MTREX: variants seen among roughly 807,000 people sequenced by gnomAD.
The protein encoded by MTREX is Mtr4 exosome RNA helicase.
A neutral mutation model predicts 135.4 loss-of-function variants in MTREX; 76 were observed. The ratio of observed to expected loss-of-function variants is 0.56; its 90% CI spans 0.47 to 0.68. MTREX has a LOEUF of 0.68. Ranked by LOEUF, MTREX falls within the 30% of genes least tolerant of loss-of-function variation. The pLI, the probability that MTREX is intolerant of heterozygous loss-of-function variation, is 0.00. For synonymous variants in MTREX, 404 were observed against 401.6 expected, an observed-to-expected ratio of 1.01 and a Z score of -0.07; for missense variants, 920 against 1,262.1, an observed-to-expected ratio of 0.73 and a Z score of 4.11.
chr5:55,326,901 A>G (rs976307392), intron 3 of MTREX, among the ~76,000 whole-genome samples: 3 of 151,572 alleles, frequency 2.0e-5, no homozygotes, highest in East Asian at 1.9e-4. Context: ...CCCTGTGTCC[A>G]TGTGTTCTCA....
At chr5:55,364,407 A>C (rs1750063168) in intron 15 of MTREX, among the ~76,000 whole-genome samples, 1 of 152,200 alleles carries the variant, frequency 6.6e-6, no homozygotes, top group South Asian at 2.1e-4. Context: ...TTCTTAACAC[A>C]CTTCTGCTAT....
At chr5:55,392,342 G>A (rs1279366277) in intron 19 of MTREX, among the ~76,000 whole-genome samples, 4 of 152,074 alleles carry the variant, frequency 2.6e-5, no homozygotes, top group Non-Finnish European at 4.4e-5. Context: ...TCAGGAGTTC[G>A]AGACCAGCCT....
rs370632345 is a variant in MTREX at position 55,344,511 on chromosome 5, T to C, written c.907-11T>C. The C allele has an allele frequency of 1.3e-6, 2 of 1,573,828 alleles. No individual in the cohort carries two copies. The highest frequency in any genetic ancestry group is 2.2e-5 in the East Asian group (1 of 44,548). On this transcript the variant is annotated splice_polypyrimidine_tract_variant and intron_variant, in intron 8 of 26. Coordinates refer to ENST00000230640, the MANE Select transcript of MTREX (RefSeq NM_015360.5). ...ATAAAATTTTGTATGTTTAATTCTT[T>C]CTTTTTACAGCCTTGTCATGTTATT... is the stretch of plus-strand genomic sequence containing the variant.
chr5:55,313,067 G>A lies in MTREX; in HGVS notation c.134+4920G>A, dbSNP rs78130884. ...AATAGAATTCATACTGACATTTCCA[G>A]TACAATTAACATCACAGGGTTTTTA... On this transcript the variant is annotated intron_variant, in intron 1 of 26. Transcript: ENST00000230640. Among the ~76,000 whole-genome samples, 927 of 152,070 alleles carry A rather than the reference G, an allele frequency of 6.1e-3. 8 individuals carry two copies. Among genetic ancestry groups the A allele is most frequent in the African/African-American group, 0.022 (894 of 41,486 alleles).
At chr5:55,372,960 G>A (rs1490228187) in intron 16 of MTREX, among the ~76,000 whole-genome samples, 1 of 135,836 alleles carries the variant, frequency 7.4e-6, no homozygotes, top group Non-Finnish European at 1.6e-5. Flanking sequence ...ATGGTTTTTG[G>A]CTTATAATTT....
In MTREX at chr5:55,379,573, GACACACACAC is replaced by G. The variant is rs60169736; in HGVS notation, c.2052+407_2052+416del. On this transcript the variant is annotated intron_variant, in intron 18 of 26. Coordinates refer to ENST00000230640, the MANE Select transcript of MTREX (RefSeq NM_015360.5). ...TTCCTTCCACTCCCCAAATCTCCCT[GACACACACAC>G]ACACACACACACACACACACACACA... Among the ~76,000 whole-genome samples, 900 of 143,898 alleles carry G rather than the reference GACACACACAC, an allele frequency of 6.3e-3. 6 individuals are homozygous for G. Among genetic ancestry groups the G allele is most frequent in the African/African-American group, 0.021 (813 of 38,606 alleles). 94.4% of individuals were successfully genotyped at this position (143,898 alleles called of 152,430 possible). A position where few individuals can be genotyped will look rare whatever the true frequency, so the allele number is the denominator to read the frequency against.
Position 55,359,879 on chromosome 5 carries a change from T to C in MTREX, c.1659+1181T>C, listed in dbSNP as rs1749980463. 3.3e-5 allele frequency among the ~76,000 whole-genome samples: 5 copies of C among 152,332 alleles called. 1 individual carries two copies. The South Asian group carries it at 1.0e-3, about 32-fold the overall frequency. ...ACTTGACGTTTCTGGATTTGTTACT[T>C]TGTAAGTGTAAAGTTCTATCACCTT... On this transcript the variant is annotated intron_variant, in intron 15 of 26. Transcript: ENST00000230640.
intron 3 of MTREX, 52 bp downstream of exon 3, chr5:55,324,250 T>A: frequency 7.5e-7 from 1 of 1,330,100 alleles, no homozygotes; most frequent in South Asian, 1.2e-5. Context: ...GATTTTTCTT[T>A]GGACTATCTA....
chr5:55,342,878 T>C (rs1003038834), intron 7 of MTREX, among the ~76,000 whole-genome samples: 2 of 152,216 alleles, frequency 1.3e-5, no homozygotes, highest in African/African-American at 4.8e-5. Flanking sequence ...GACTTACGGT[T>C]TTATCTTTCA....
chr5:55,313,743 A>G (rs1749153002), intron 1 of MTREX, among the ~76,000 whole-genome samples: 5 of 152,210 alleles, frequency 3.3e-5, no homozygotes, highest in Admixed American at 2.6e-4. Context: ...TTGTAGTTCC[A>G]AAATCAAAAG....
At chr5:55,350,815 C>A in intron 12 of MTREX, 104 bp from the exon 13 acceptor site, 1 of 915,362 alleles carries the variant, frequency 1.1e-6, no homozygotes, top group Non-Finnish European at 1.6e-6. Context: ...TATTAAGTTT[C>A]TTTAAAGAGA....
At chr5:55,385,963 T>G (rs1750472426) in intron 18 of MTREX, among the ~76,000 whole-genome samples, 1 of 152,176 alleles carries the variant, frequency 6.6e-6, no homozygotes, top group African/African-American at 2.4e-5. Flanking sequence ...TTTTTCTGTT[T>G]CTATTGATGG....
intron 5 of MTREX, among the ~76,000 whole-genome samples, chr5:55,330,318 C>G (rs1020869831): frequency 2.6e-5 from 4 of 152,156 alleles, no homozygotes; most frequent in Middle Eastern, 6.8e-3. Flanking sequence ...TCAAGTGATT[C>G]TCCTGCCTTG....
chr5:55,388,254 C>G, intron 19 of MTREX, 152 bp downstream of exon 19: 1 of 492,324 alleles, frequency 2.0e-6, no homozygotes, highest in Non-Finnish European at 3.2e-6. Context: ...GTAAAGCTAT[C>G]TAACGTATCA....
intron 23 of MTREX, 145 bp downstream of exon 23, chr5:55,410,774 G>A (rs1241457577): frequency 1.9e-5 from 9 of 469,488 alleles, no homozygotes; most frequent in African/African-American, 4.0e-5. Flanking sequence ...TAACACAAAT[G>A]TACTAAGAAA....
At chr5:55,372,918 G>A (rs1579876964) in intron 16 of MTREX, among the ~76,000 whole-genome samples, 1 of 150,884 alleles carries the variant, frequency 6.6e-6, no homozygotes, top group Admixed American at 6.6e-5. Flanking sequence ...GTGTGTGTGT[G>A]TGTGTGTGTG....
Position 55,425,179 on chromosome 5 carries a change from A to C in MTREX, c.*407A>C, listed in dbSNP as rs745576148. 1 of 1,599,912 alleles carries C rather than the reference A, an allele frequency of 6.3e-7. No homozygotes were observed. Among genetic ancestry groups the C allele is most frequent in the African/African-American group, 1.4e-5 (1 of 73,826 alleles). The stretch of plus-strand genomic sequence containing the variant: ...ATCATTTTCCTTTAGAAAACAGGCC[A>C]GCTTCACCTGGGCACCCTGCTGCCT... On this transcript the variant is annotated 3_prime_UTR_variant, in exon 27 of 27. Coordinates refer to ENST00000230640, the MANE Select transcript of MTREX (RefSeq NM_015360.5).
chr5:55,329,394 A>C (rs1749433772), intron 5 of MTREX: 1 of 151,670 alleles, frequency 6.6e-6, no homozygotes, highest in Admixed American at 6.6e-5. Context: ...GGCTGGTCTC[A>C]AACTCCTGGG....
chr5:55,366,890 C>G lies in MTREX; in HGVS notation c.1810+15C>G. ...AGTAGTAGAGAGTAAGTATAAAATA[C>G]CATAACAGAGCTTAGTGTAGCTAGG... On this transcript the variant is annotated intron_variant, in intron 16 of 26. Coordinates refer to ENST00000230640, the MANE Select transcript of MTREX (RefSeq NM_015360.5). The G allele has an allele frequency of 1.3e-6, 2 of 1,575,724 alleles. No homozygotes were observed. The highest frequency in any genetic ancestry group is 1.7e-6 in the Non-Finnish European group (2 of 1,157,142).
Sources: gnomAD v4.1 joint callset for allele counts (sites outside exome capture counted in the v4.1 genomes callset) on GRCh38, gnomAD v4.1.1 for gene constraint, MANE v1.5 for transcripts, NCBI Gene and HGNC (gene_info 2026-07-23, HGNC 2026-07-21) for gene names.